The following COL5A2 variants were observed in gnomAD, a reference collection of about 807,000 sequenced individuals.
COL5A2 encodes collagen alpha-2(V) chain.
In COL5A2, 23 loss-of-function variants were observed where a neutral mutation model predicts 208.2. The ratio of observed to expected loss-of-function variants is 0.11; its 90% confidence interval spans 0.08 to 0.16. COL5A2 has a LOEUF of 0.16. COL5A2 is among the 10% of genes least tolerant of loss of function. The pLI, the probability that COL5A2 is intolerant of heterozygous loss-of-function variation, is 1.00. For missense variants in COL5A2, 1,590 were observed against 1,956.4 expected (o/e 0.81, Z 3.53); for synonymous variants, 625 against 628.5 (o/e 0.99, Z 0.08).
chr2:189,041,174 C>T (rs1402308136), intron 50 of COL5A2, among the ~76,000 whole-genome samples: 2 of 152,164 alleles, frequency 1.3e-5, no homozygotes, highest in African/African-American at 4.8e-5. Context: ...TCAAAGTCCT[C>T]CCTGAATGTT....
the COL5A2 span, among the ~76,000 whole-genome samples, chr2:189,402,189 A>G: frequency 1.3e-5 from 2 of 151,876 alleles, no homozygotes; most frequent in Admixed American, 6.6e-5. Context: ...TAAGGTTTTT[A>G]TAGTTTTAGG....
the COL5A2 span, among the ~76,000 whole-genome samples, chr2:189,334,538 C>G: frequency 6.6e-6 from 1 of 151,840 alleles, no homozygotes; most frequent in African/African-American, 2.4e-5. Flanking sequence ...AACCAAATTT[C>G]AAGATCTTTA....
chr2:189,415,190 C>T, the COL5A2 span, among the ~76,000 whole-genome samples: 3 of 151,978 alleles, frequency 2.0e-5, no homozygotes, highest in Non-Finnish European at 4.4e-5. Flanking sequence ...GTTAGCACTC[C>T]CATCATTTAT....
chr2:189,258,288 C>T, the COL5A2 span, among the ~76,000 whole-genome samples: 3 of 152,060 alleles, frequency 2.0e-5, no homozygotes, highest in East Asian at 1.9e-4. Flanking sequence ...ATTGATAATG[C>T]TACAAATTTT....
chr2:189,398,558 T>C, the COL5A2 span, among the ~76,000 whole-genome samples: 1 of 152,164 alleles, frequency 6.6e-6, no homozygotes, highest in Non-Finnish European at 1.5e-5. Context: ...TGTAGTCCAG[T>C]TTTTCTGATG....
chr2:189,407,900 A>T, the COL5A2 span, among the ~76,000 whole-genome samples: 1 of 152,200 alleles, frequency 6.6e-6, no homozygotes, highest in South Asian at 2.1e-4. Context: ...AAATAAAAAT[A>T]TTAAGGCTGC....
chr2:189,040,578 G>C (rs1685539199), intron 50 of COL5A2, among the ~76,000 whole-genome samples: 1 of 152,122 alleles, frequency 6.6e-6, no homozygotes, highest in Non-Finnish European at 1.5e-5. Flanking sequence ...TATTGGCTCT[G>C]CCACTTGTTA....
At chr2:189,265,384 T>G in the COL5A2 span, among the ~76,000 whole-genome samples, 9 of 152,140 alleles carry the variant, frequency 5.9e-5, no homozygotes, top group Admixed American at 5.2e-4. Context: ...TTGACTCTCT[T>G]TAGCTTGCCA....
At chr2:189,298,700 A>G in the COL5A2 span, among the ~76,000 whole-genome samples, 1 of 152,050 alleles carries the variant, frequency 6.6e-6, no homozygotes, top group African/African-American at 2.4e-5. Context: ...TCTGGTAGGA[A>G]CCTCCATTCT....
At chr2:189,417,869 T>C in the COL5A2 span, among the ~76,000 whole-genome samples, 47 of 152,122 alleles carry the variant, frequency 3.1e-4, 2 homozygotes, top group South Asian at 9.8e-3. Flanking sequence ...CACACAATAC[T>C]TTCTTCATTC....
Position 189,052,947 on chromosome 2 carries a change from A to T in COL5A2, c.2625T>A (p.Pro875=). The T allele has an allele frequency of 6.2e-7, 1 of 1,614,198 alleles. No homozygotes were observed. The change falls in exon 39 of 54, where the codon CCT becomes CCA. Residue 875 remains proline, a synonymous_variant. Transcript: ENST00000374866. ...GGGATCCTGCTAAACCTTGTGGTCCAGGAGAACCAGCATCTCCCTTCTGTC... is the reference window on the plus strand; with the variant it reads ...GGGATCCTGCTAAACCTTGTGGTCCTGGAGAACCAGCATCTCCCTTCTGTC... ...EPGQKGDAGS[P]GPQGLAGSPG... is the part of the protein sequence containing the mutation.
At chr2:189,088,018 A>G (rs1686702523) in intron 8 of COL5A2, among the ~76,000 whole-genome samples, 1 of 151,976 alleles carries the variant, frequency 6.6e-6, no homozygotes, top group South Asian at 2.1e-4. Flanking sequence ...AGGGGTGGTT[A>G]TCTATGAGGT....
chr2:189,218,844 C>CGA (rs1380375792), intron 1 of COL5A2, among the ~76,000 whole-genome samples: 2 of 151,566 alleles, frequency 1.3e-5, no homozygotes, highest in Non-Finnish European at 2.9e-5. Context: ...GATAAATGCA[C>CGA]GAGATATTCT....
intron 1 of COL5A2, among the ~76,000 whole-genome samples, 200 bp downstream of exon 1, chr2:189,179,308 C>A (rs1464871823): frequency 1.3e-5 from 2 of 152,186 alleles, no homozygotes; most frequent in Non-Finnish European, 2.9e-5. Flanking sequence ...AGTGTACTCT[C>A]TCCAACGGTG....
At chr2:189,191,459 G>A (rs1195399953) in intron 1 of COL5A2, among the ~76,000 whole-genome samples, 1 of 151,972 alleles carries the variant, frequency 6.6e-6, no homozygotes, top group Non-Finnish European at 1.5e-5. Flanking sequence ...TGGCCAACAT[G>A]TTGAAACCCC....
the COL5A2 span, among the ~76,000 whole-genome samples, chr2:189,340,284 A>T: frequency 6.6e-6 from 1 of 152,178 alleles, no homozygotes; most frequent in Non-Finnish European, 1.5e-5. Context: ...CCTCAGTGGG[A>T]CCTCTATGGC....
the COL5A2 span, among the ~76,000 whole-genome samples, chr2:189,401,890 A>C: frequency 6.6e-6 from 1 of 151,660 alleles, no homozygotes; most frequent in Admixed American, 6.6e-5. Flanking sequence ...TCTGTTCATG[A>C]CCTTTGTCCA....
intron 47 of COL5A2, 98 bp downstream of exon 47, chr2:189,045,081 A>T: frequency 5.3e-6 from 4 of 759,810 alleles, no homozygotes; most frequent in Non-Finnish European, 8.3e-6. Context: ...AGCTTGAGGA[A>T]TTTCATATTT....
chr2:189,068,215 G>C lies in COL5A2; in HGVS notation c.1302+11C>G. 1 of 1,613,208 alleles carries C rather than the reference G, an allele frequency of 6.2e-7. No homozygotes were observed. Among genetic ancestry groups the C allele is most frequent in the Non-Finnish European group, 8.5e-7 (1 of 1,179,218 alleles). On this transcript the variant is annotated intron_variant, in intron 20 of 53. Transcript: ENST00000374866. ...CATTTGAGCTTCACATGCCATAAAT[G>C]CAGTACTCACCGTTGGGCCTTTGGC... is the stretch of plus-strand genomic sequence containing the variant.
Sources: gnomAD v4.1 joint callset for allele counts (sites outside exome capture counted in the v4.1 genomes callset) on GRCh38, gnomAD v4.1.1 for gene constraint, MANE v1.5 for transcripts, NCBI Gene and HGNC (gene_info 2026-07-23, HGNC 2026-07-21) for gene names.